The following GPC4 variants were observed in gnomAD, a reference collection of about 807,000 sequenced individuals.
The protein encoded by GPC4 is glypican 4.
In GPC4, 10 loss-of-function variants were observed where a neutral mutation model predicts 35.0. That is an observed-to-expected ratio of 0.29 (90% CI 0.18 to 0.48). GPC4 has a LOEUF of 0.48. Among genes scored for constraint, GPC4 ranks in the 20% least tolerant of loss-of-function variants. The probability of loss-of-function intolerance (pLI) is 0.99; values close to 1 mark genes in which losing one functional copy is unlikely to be tolerated. For synonymous variants in GPC4, 167 were observed against 170.2 expected, an observed-to-expected ratio of 0.98 and a Z score of 0.15; for missense variants, 322 against 451.3, an observed-to-expected ratio of 0.71 and a Z score of 2.60.
chrX:133,397,799 G>A (rs190183518), intron 1 of GPC4, among the ~76,000 whole-genome samples: 1 of 111,495 alleles, frequency 9.0e-6, no homozygotes, highest in Admixed American at 9.5e-5. Context: ...AGTGGCTCAC[G>A]CCTGTAATCC....
At chrX:133,361,567 G>GAA (rs1187656868) in intron 1 of GPC4, among the ~76,000 whole-genome samples, 7 of 90,772 alleles carry the variant, frequency 7.7e-5, no homozygotes, top group African/African-American at 1.6e-4. Context: ...AAACACTCAA[G>GAA]AAAAAAAAAA....
chrX:133,306,236 T>C (rs2068290632), intron 4 of GPC4, 82 bp from the exon 5 acceptor site: 2 of 1,079,688 alleles, frequency 1.9e-6, no homozygotes, highest in Admixed American at 2.3e-5. Context: ...TCTGATTTTT[T>C]TTTCTGTCTG....
At chrX:133,344,191 G>GTTTTTTTTTTTTTTTTTTTTTTTTTTTT (rs747976050) in intron 1 of GPC4, among the ~76,000 whole-genome samples, 2 of 38,897 alleles carry the variant, frequency 5.1e-5, no homozygotes, top group Admixed American at 4.7e-4. Context: ...TTTCTTTCTG[G>GTTTTTTTTTTTTTTTTTTTTTTTTTTTT]TTTTTTTTTT....
At position 133,302,075 on chromosome X, in the gene GPC4, A is replaced by G. The variant is rs1471424063; in HGVS notation, c.*792T>C. 1 of 112,390 alleles carries G rather than the reference A, an allele frequency of 8.9e-6. No homozygotes were observed. Among genetic ancestry groups the G allele is most frequent in the Non-Finnish European group, 1.9e-5 (1 of 53,324 alleles). 9.3% of individuals were successfully genotyped at this position (112,390 alleles called of 1,213,427 possible). On this transcript the variant is annotated 3_prime_UTR_variant, in exon 9 of 9. Transcript: ENST00000370828. ...CTATCTTTCAAGGGGGATGATATCC[A>G]GAATCTTTTTCTAAATGGGTTACAT...
chrX:133,359,535 G>T (rs1184807142), intron 1 of GPC4, among the ~76,000 whole-genome samples: 1 of 111,877 alleles, frequency 8.9e-6, no homozygotes, highest in Non-Finnish European at 1.9e-5. Context: ...GATTGCAAAG[G>T]CTATAGTAAG....
rs2068435494 is a variant in GPC4, at chrX:133,334,930, A to T, written c.319+4253T>A. The stretch of plus-strand genomic sequence containing the variant: ...CATCATTTTTACTATGTAATTCAGA[A>T]ATACATTTAACATGGCAGCTGTAAT... On this transcript the variant is annotated intron_variant, in intron 2 of 8. Coordinates refer to ENST00000370828, the MANE Select transcript of GPC4 (RefSeq NM_001448.3). 2.7e-5 allele frequency among the ~76,000 whole-genome samples: 3 copies of T among 112,088 alleles called. No individual in the cohort carries two copies. In the South Asian group the frequency reaches 1.1e-3, roughly 42 times the overall value.
chrX:133,414,297 C>T (rs893759291), intron 1 of GPC4, among the ~76,000 whole-genome samples: 7 of 109,437 alleles, frequency 6.4e-5, no homozygotes, highest in African/African-American at 1.3e-4. Context: ...AATTCAAGTT[C>T]CACGTTTTGC....
At chrX:133,334,141 A>T (rs759592457) in intron 2 of GPC4, among the ~76,000 whole-genome samples, 2 of 112,173 alleles carry the variant, frequency 1.8e-5, no homozygotes, top group South Asian at 7.5e-4. Flanking sequence ...TCACGGGCAT[A>T]TAAATTTTAA....
chrX:133,315,283 T>C (rs1355597915), intron 3 of GPC4, among the ~76,000 whole-genome samples: 1 of 110,538 alleles, frequency 9.0e-6, no homozygotes, highest in African/African-American at 3.3e-5. Context: ...AGATTTGGCA[T>C]GTTCAATCTG....
chrX:133,331,941 T>C (rs1202350217), intron 2 of GPC4, among the ~76,000 whole-genome samples: 2 of 110,983 alleles, frequency 1.8e-5, no homozygotes, highest in Non-Finnish European at 3.8e-5. Flanking sequence ...CCCAGATATT[T>C]CAGTGACATT....
At chrX:133,354,218 G>A (rs1170535198) in intron 1 of GPC4, among the ~76,000 whole-genome samples, 1 of 111,535 alleles carries the variant, frequency 9.0e-6, no homozygotes, top group Non-Finnish European at 1.9e-5. Flanking sequence ...GTACTTCAAA[G>A]GAAAATAAAA....
intron 2 of GPC4, 30 bp from the exon 3 acceptor site, chrX:133,324,566 AAAAG>A: frequency 9.2e-7 from 1 of 1,083,314 alleles, no homozygotes. Flanking sequence ...AAAAAAAAAA[AAAAG>A]GAAAAACGAG....
At chrX:133,405,506 T>C (rs183557081) in intron 1 of GPC4, among the ~76,000 whole-genome samples, 6 of 112,406 alleles carry the variant, frequency 5.3e-5, no homozygotes, top group Non-Finnish European at 7.5e-5. Context: ...TCGATGATTA[T>C]GGTTACAAAG....
At chrX:133,395,100 A>C (rs1426202081) in intron 1 of GPC4, among the ~76,000 whole-genome samples, 1 of 111,267 alleles carries the variant, frequency 9.0e-6, no homozygotes, top group Non-Finnish European at 1.9e-5. Context: ...GCCTTTCAAA[A>C]TTCTTTACTC....
intron 1 of GPC4, 168 bp downstream of exon 1, chrX:133,414,638 G>A: frequency 4.0e-6 from 3 of 754,405 alleles, no homozygotes; most frequent in Non-Finnish European, 4.7e-6. Flanking sequence ...TCCTGCGCCC[G>A]GGCTGCCTGG....
intron 1 of GPC4, among the ~76,000 whole-genome samples, chrX:133,406,210 C>T (rs745754754): frequency 1.8e-5 from 2 of 112,574 alleles, no homozygotes; most frequent in African/African-American, 6.4e-5. Context: ...TGTTCTAATT[C>T]TTTCCAAAGT....
intron 1 of GPC4, among the ~76,000 whole-genome samples, chrX:133,354,568 A>ATTTATTTATTTT (rs781240039): frequency 1.2e-4 from 11 of 95,198 alleles, no homozygotes; most frequent in South Asian, 4.9e-4. Context: ...TTATTTATTT[A>ATTTATTTATTTT]TTTTTTTTTT....
At chrX:133,391,007 G>A (rs952079841) in intron 1 of GPC4, among the ~76,000 whole-genome samples, 1 of 112,056 alleles carries the variant, frequency 8.9e-6, no homozygotes, top group African/African-American at 3.2e-5. Context: ...CTACAGTCTA[G>A]TGTAAATATT....
intron 1 of GPC4, among the ~76,000 whole-genome samples, chrX:133,401,233 T>A (rs1204636433): frequency 9.0e-6 from 1 of 111,355 alleles, no homozygotes; most frequent in Non-Finnish European, 1.9e-5. Flanking sequence ...CTAGCTGGCA[T>A]GGGGAACCAT....
Sources: allele counts gnomAD v4.1 joint callset (sites outside exome capture counted in the v4.1 genomes callset), GRCh38; gene constraint gnomAD v4.1.1; transcripts MANE v1.5; gene names NCBI Gene and HGNC (gene_info 2026-07-23, HGNC 2026-07-21).